ZNF254: variants seen among roughly 807,000 people sequenced by gnomAD.
The protein encoded by ZNF254 is zinc finger protein 254, also known as CTD-2017D11.1.
A neutral mutation model predicts 12.4 loss-of-function variants in ZNF254; 10 were observed. The ratio of observed to expected loss-of-function variants is 0.80; its 90% confidence interval spans 0.50 to 1.36. The LOEUF (loss-of-function observed/expected upper bound fraction) is 1.36. ZNF254 is among the 40% of genes most tolerant of loss of function. ZNF254 has a pLI of 0.00. For synonymous variants in ZNF254, 305 were observed against 253.4 expected (o/e 1.20, Z -1.93); for missense variants, 996 against 763.9 (o/e 1.30, Z -3.58).
rs1050571904 is a variant in ZNF254, at chr19:24,035,826, A to G, written c.-190+2205A>G. On this transcript the variant is annotated intron_variant, in intron 1 of 4. Transcript: ENST00000613065. ...ATTGTTTATAAGGCAAAAAAATAGC[A>G]ATTTAGACAGTCTGTGGCTTCATAA... Among the ~76,000 whole-genome samples the G allele has an allele frequency of 7.9e-5, 12 of 152,160 alleles. 1 individual carries two copies. Among genetic ancestry groups the G allele is most frequent in the Admixed American group, 6.6e-4 (10 of 15,134 alleles).
upstream of ZNF254, among the ~76,000 whole-genome samples, chr19:24,082,482 T>TAAA (rs748512682): frequency 1.4e-5 from 1 of 70,322 alleles, no homozygotes; most frequent in Non-Finnish European, 2.7e-5. Context: ...CCATCTATAC[T>TAAA]AAAAAAAAAA....
At chr19:24,066,545 G>C (rs1287394534) in intron 2 of ZNF254, 1 of 152,074 alleles carries the variant, frequency 6.6e-6, no homozygotes, top group Non-Finnish European at 1.5e-5. Context: ...GCTTACAGGA[G>C]GCATTTTGAA....
chr19:24,102,484 C>T (rs975019604), intron 1 of ZNF254, among the ~76,000 whole-genome samples: 2 of 151,416 alleles, frequency 1.3e-5, no homozygotes, highest in African/African-American at 2.4e-5. Context: ...ATCAACTCTA[C>T]ACCCTGCTTC....
chr19:24,113,638 C>A (rs1316006484), intron 3 of ZNF254, among the ~76,000 whole-genome samples: 2 of 152,114 alleles, frequency 1.3e-5, no homozygotes, highest in Non-Finnish European at 2.9e-5. Flanking sequence ...ACAGGGATGC[C>A]CTCTCTCAAC....
rs561072187 is a variant in ZNF254, at chr19:24,077,607, A to G, written c.-93-28333A>G. 9.5e-4 allele frequency among the ~76,000 whole-genome samples: 144 copies of G among 152,340 alleles called. 1 individual carries two copies. Among genetic ancestry groups the G allele is most frequent in the African/African-American group, 3.4e-3 (140 of 41,582 alleles). Reference sequence around the variant, plus strand: ...TCAGCTTTCAGCCAGTCTATCTTATAACTGTTGAAAGTTACTTAGTGTAGT... The same window carrying G: ...TCAGCTTTCAGCCAGTCTATCTTATGACTGTTGAAAGTTACTTAGTGTAGT... On this transcript the variant is annotated intron_variant, in intron 2 of 4. Transcript: ENST00000613065.
intron 1 of ZNF254, among the ~76,000 whole-genome samples, chr19:24,091,127 T>A (rs1163162117): frequency 6.6e-6 from 1 of 151,828 alleles, no homozygotes; most frequent in Non-Finnish European, 1.5e-5. Flanking sequence ...TTTTGTATTT[T>A]TAGTAGAGAC....
At chr19:24,060,420 A>G (rs957345007) in intron 2 of ZNF254, among the ~76,000 whole-genome samples, 8 of 152,160 alleles carry the variant, frequency 5.3e-5, no homozygotes, top group Non-Finnish European at 1.0e-4. Context: ...ACATTGTGAC[A>G]TACTACAGTG....
At chr19:24,080,286 A>G (rs1971801569) in intron 2 of ZNF254, 1 of 152,242 alleles carries the variant, frequency 6.6e-6, no homozygotes, top group Non-Finnish European at 1.5e-5. Context: ...AAAGGTGGGA[A>G]GCCTAAACCT....
In ZNF254 at chr19:24,046,373, T is replaced by TTATATATATATATATATATATA. The variant is rs34508258; in HGVS notation, c.-94+100_-94+121dup. 425 of 95,110 alleles carry TTATATATATATATATATATATA rather than the reference T, an allele frequency of 4.5e-3. 5 individuals carry two copies. The highest frequency in any genetic ancestry group is 0.011 in the Middle Eastern group (2 of 182). The allele number at this position is 95,110 out of a possible 1,614,324, so 5.9% of individuals were successfully genotyped here. ...TTGTCTTCCATTATTTTATTATTTTTTATATATATATATATATATATATAT... is the reference window on the plus strand; with the variant it reads ...TTGTCTTCCATTATTTTATTATTTTTTATATATATATATATATATATATATATATATATATATATATATATAT... On this transcript the variant is annotated intron_variant, in intron 2 of 4. Coordinates refer to the ZNF254 transcript ENST00000613065.
intron 2 of ZNF254, among the ~76,000 whole-genome samples, chr19:24,072,485 C>A (rs1354281833): frequency 2.0e-5 from 3 of 152,152 alleles, no homozygotes; most frequent in Admixed American, 6.5e-5. Context: ...TTACCCTCCT[C>A]ATCAGCCCTG....
intron 2 of ZNF254, among the ~76,000 whole-genome samples, chr19:24,056,992 T>A (rs553447750): frequency 9.4e-4 from 143 of 152,316 alleles, no homozygotes; most frequent in African/African-American, 3.3e-3. Flanking sequence ...AGGCACAATG[T>A]TGGCTGTCAT....
At chr19:24,086,087 A>G (rs1490230629), upstream of ZNF254, among the ~76,000 whole-genome samples, 2 of 146,696 alleles carry the variant, frequency 1.4e-5, no homozygotes, top group Non-Finnish European at 3.0e-5. Context: ...CACGCCTGTA[A>G]TCCCAGCTAC....
chr19:24,111,512 C>A (rs1973680346), intron 3 of ZNF254, among the ~76,000 whole-genome samples: 1 of 152,146 alleles, frequency 6.6e-6, no homozygotes, highest in East Asian at 1.9e-4. Context: ...GTTCTAGATC[C>A]CTGAGGAATC....
At chr19:24,043,869 T>A (rs557500880) in intron 1 of ZNF254, among the ~76,000 whole-genome samples, 14 of 152,342 alleles carry the variant, frequency 9.2e-5, no homozygotes, top group African/African-American at 2.9e-4. Context: ...CTGCTCTGGA[T>A]GTTGTTTTAC....
At chr19:24,114,227 C>T (rs1241708395) in intron 3 of ZNF254, among the ~76,000 whole-genome samples, 1 of 152,074 alleles carries the variant, frequency 6.6e-6, no homozygotes, top group East Asian at 1.9e-4. Flanking sequence ...CAAGTCACTC[C>T]TAAGCCAAAA....
chr19:24,105,659 G>GTATA (rs1973295443), intron 1 of ZNF254: 4 of 294,402 alleles, frequency 1.4e-5, no homozygotes, highest in Non-Finnish European at 1.9e-5. Flanking sequence ...TGTAAACGTA[G>GTATA]CACTCAAAAA....
chr19:24,126,348 A>G lies in ZNF254; in HGVS notation c.348A>G (p.Gly116=), dbSNP rs1974835866. ...KAILRRYGKY[G]HENLQLRKGC... is the part of the protein sequence containing the mutation. ...TACTGAGAAGATATGGAAAATATGG[A>G]CATGAGAATTTACAGTTAAGAAAAG... Residue 116 remains glycine (G), a synonymous_variant, in exon 4 of 4, where the codon GGA becomes GGG. Coordinates refer to ENST00000357002, the MANE Select transcript of ZNF254 (RefSeq NM_203282.4). 6 of 1,609,502 alleles carry G rather than the reference A, an allele frequency of 3.7e-6. No homozygotes were observed. The highest frequency in any genetic ancestry group is 4.2e-6 in the Non-Finnish European group (5 of 1,178,054).
chr19:24,108,957 C>T (rs148399458), intron 3 of ZNF254, among the ~76,000 whole-genome samples: 4 of 151,782 alleles, frequency 2.6e-5, no homozygotes, highest in African/African-American at 9.7e-5. Flanking sequence ...AGATTGAGAC[C>T]ATCCTGGCTA....
intron 2 of ZNF254, among the ~76,000 whole-genome samples, chr19:24,054,514 G>A (rs907238351): frequency 9.2e-5 from 14 of 152,234 alleles, no homozygotes; most frequent in Non-Finnish European, 1.5e-4. Context: ...TAATGCCCTC[G>A]AGTGTTACAA....
Sources: gnomAD v4.1 joint callset for allele counts (sites outside exome capture counted in the v4.1 genomes callset) on GRCh38, gnomAD v4.1.1 for gene constraint, MANE v1.5 for transcripts, NCBI Gene and HGNC (gene_info 2026-07-23, HGNC 2026-07-21) for gene names.